Variants in CAMK2D observed in about 807,000 individuals in gnomAD.
CAMK2D encodes the protein calcium/calmodulin dependent protein kinase II delta.
CAMK2D carries 37 observed loss-of-function variants against 84.0 expected under a neutral mutation model. The ratio of observed to expected loss-of-function variants is 0.44; its 90% CI spans 0.34 to 0.58. The LOEUF is 0.58. Among genes scored for constraint, CAMK2D ranks in the 20% least tolerant of loss-of-function variants. The pLI is 0.02. For synonymous variants in CAMK2D, 202 were observed against 212.5 expected (o/e 0.95, Z 0.43); for missense variants, 448 against 652.5 (o/e 0.69, Z 3.41).
At chr4:113,679,735 G>T (rs7656183) in intron 2 of CAMK2D, among the ~76,000 whole-genome samples, 7,225 of 152,154 alleles carry the variant, frequency 0.047, 262 homozygotes, top group African/African-American at 0.095. Context: ...TTGGAAATAC[G>T]CAGCATACAA....
intron 4 of CAMK2D, among the ~76,000 whole-genome samples, chr4:113,604,000 G>C (rs2098967113): frequency 6.6e-6 from 1 of 151,402 alleles, no homozygotes; most frequent in South Asian, 2.1e-4. Context: ...TCTTTGTTTT[G>C]ATTTTTTAGA....
At chr4:113,547,584 G>C (rs1038610921) in intron 6 of CAMK2D, 60 bp downstream of exon 6, 1 of 1,086,288 alleles carries the variant, frequency 9.2e-7, no homozygotes, top group Non-Finnish European at 1.3e-6. Context: ...AGGCATAATT[G>C]CAGCTGAACA....
intron 2 of CAMK2D, among the ~76,000 whole-genome samples, chr4:113,724,494 A>G (rs2099540243): frequency 6.6e-6 from 1 of 151,714 alleles, no homozygotes; most frequent in Non-Finnish European, 1.5e-5. Flanking sequence ...AATGTATTTA[A>G]TAAATATTTA....
intron 2 of CAMK2D, among the ~76,000 whole-genome samples, chr4:113,679,887 C>T (rs533919553): frequency 2.7e-4 from 41 of 152,204 alleles, no homozygotes; most frequent in Middle Eastern, 3.4e-3. Context: ...TATTTGAAGA[C>T]AGCTAAAGAA....
chr4:113,541,794 T>C (rs2098531700), intron 6 of CAMK2D, among the ~76,000 whole-genome samples: 1 of 152,164 alleles, frequency 6.6e-6, no homozygotes, highest in Admixed American at 6.5e-5. Context: ...GTCACTTATC[T>C]TTTGCCAAAG....
intron 16 of CAMK2D, among the ~76,000 whole-genome samples, chr4:113,471,665 T>C (rs1043493038): frequency 1.3e-5 from 2 of 152,198 alleles, no homozygotes; most frequent in Non-Finnish European, 2.9e-5. Context: ...CTAGGCTCAC[T>C]GCCACTACTC....
At chr4:113,660,879 T>C (rs1056648250) in intron 3 of CAMK2D, among the ~76,000 whole-genome samples, 2 of 148,684 alleles carry the variant, frequency 1.3e-5, no homozygotes, top group African/African-American at 5.0e-5. Flanking sequence ...CACTGCAAGC[T>C]CCGCCTCCCG....
intron 16 of CAMK2D, among the ~76,000 whole-genome samples, chr4:113,472,100 C>G (rs1248503861): frequency 1.3e-5 from 2 of 152,192 alleles, no homozygotes; most frequent in Non-Finnish European, 2.9e-5. Flanking sequence ...CTGCGTGCTT[C>G]AGACCCAGCT....
intron 2 of CAMK2D, among the ~76,000 whole-genome samples, chr4:113,728,809 C>G (rs775955554): frequency 1.3e-5 from 2 of 152,026 alleles, no homozygotes. Context: ...TAGTGAAGAT[C>G]AAATGAGATA....
At chr4:113,469,511 C>A (rs2097522368) in intron 16 of CAMK2D, among the ~76,000 whole-genome samples, 1 of 152,176 alleles carries the variant, frequency 6.6e-6, no homozygotes, top group Admixed American at 6.5e-5. Context: ...CATGCTGCAT[C>A]CCTAAAGTCC....
intron 4 of CAMK2D, among the ~76,000 whole-genome samples, chr4:113,563,775 T>A (rs1388151463): frequency 6.6e-6 from 1 of 152,228 alleles, no homozygotes; most frequent in African/African-American, 2.4e-5. Context: ...CTGGAGTGTA[T>A]CTGTACTCAA....
At chr4:113,510,093 T>C (rs1226421696) in intron 12 of CAMK2D, among the ~76,000 whole-genome samples, 1 of 152,208 alleles carries the variant, frequency 6.6e-6, no homozygotes, top group African/African-American at 2.4e-5. Flanking sequence ...CCATGTCAGT[T>C]CTGCCATTTA....
chr4:113,510,975 T>C (rs1359142144), intron 12 of CAMK2D, among the ~76,000 whole-genome samples: 1 of 152,078 alleles, frequency 6.6e-6, no homozygotes, highest in Non-Finnish European at 1.5e-5. Flanking sequence ...TGGCAGTTAA[T>C]AGGTTAGAAA....
At chr4:113,687,666 T>C (rs913406736) in intron 2 of CAMK2D, among the ~76,000 whole-genome samples, 2 of 152,228 alleles carry the variant, frequency 1.3e-5, no homozygotes, top group East Asian at 3.8e-4. Flanking sequence ...ATCCTTCATA[T>C]GAAATAACAA....
chr4:113,476,968 T>C (rs1436290416), intron 16 of CAMK2D, among the ~76,000 whole-genome samples: 1 of 152,078 alleles, frequency 6.6e-6, no homozygotes, highest in Non-Finnish European at 1.5e-5. Flanking sequence ...AGCAGCACCC[T>C]TTCCCTAGCC....
chr4:113,756,532 T>C (rs995302231), intron 2 of CAMK2D, among the ~76,000 whole-genome samples: 3 of 152,090 alleles, frequency 2.0e-5, no homozygotes, highest in African/African-American at 7.2e-5. Flanking sequence ...ACATTTGCCT[T>C]TGAACGTATT....
intron 8 of CAMK2D, among the ~76,000 whole-genome samples, chr4:113,528,606 T>G (rs566715146): frequency 6.6e-6 from 1 of 152,256 alleles, no homozygotes; most frequent in African/African-American, 2.4e-5. Context: ...TTACTGACTA[T>G]TGTATGCCAC....
At chr4:113,559,901 T>G (rs377538646) in intron 4 of CAMK2D, among the ~76,000 whole-genome samples, 3 of 152,136 alleles carry the variant, frequency 2.0e-5, no homozygotes, top group Non-Finnish European at 4.4e-5. Flanking sequence ...AATCCTGAAA[T>G]AGAGGTGACA....
intron 4 of CAMK2D, among the ~76,000 whole-genome samples, chr4:113,598,284 G>GA (rs573755834): frequency 2.0e-5 from 3 of 151,800 alleles, no homozygotes; most frequent in Admixed American, 1.3e-4. Context: ...CAATACACTG[G>GA]AAAAAACATT....
Sources: gnomAD v4.1 joint callset for allele counts (sites outside exome capture counted in the v4.1 genomes callset) on GRCh38, gnomAD v4.1.1 for gene constraint, MANE v1.5 for transcripts, NCBI Gene and HGNC (gene_info 2026-07-23, HGNC 2026-07-21) for gene names.